SLC25A48: variants seen among roughly 807,000 people sequenced by gnomAD.
SLC25A48 encodes the protein solute carrier family 25 member 48.
Under a neutral mutation model 32.2 loss-of-function variants are expected in SLC25A48, and 29 were observed. The observed-to-expected ratio is 0.90, with a 90% CI of 0.67 to 1.23. The LOEUF (loss-of-function observed/expected upper bound fraction) is 1.23, where lower values mean the gene tolerates loss of function less well. Ranked by LOEUF, SLC25A48 falls within the 50% of genes most tolerant of loss-of-function variation. SLC25A48 has a pLI of 0.00. For synonymous variants in SLC25A48, 164 were observed against 172.3 expected (o/e 0.95, Z 0.38); for missense variants, 399 against 422.7 (o/e 0.94, Z 0.49).
At chr5:135,771,156 T>A (rs763562001) in intron 3 of SLC25A48, among the ~76,000 whole-genome samples, 42 of 151,416 alleles carry the variant, frequency 2.8e-4, no homozygotes, top group Admixed American at 1.2e-3. Context: ...AAAATGATAT[T>A]AATTTCAATA....
chr5:135,619,536 G>T (rs1329334887), intron 1 of SLC25A48, among the ~76,000 whole-genome samples: 2 of 152,162 alleles, frequency 1.3e-5, no homozygotes, highest in African/African-American at 4.8e-5. Flanking sequence ...TCTTTTGGCA[G>T]TATTGTGTTT....
At chr5:135,742,082 T>C (rs1426059541) in intron 3 of SLC25A48, among the ~76,000 whole-genome samples, 4 of 152,124 alleles carry the variant, frequency 2.6e-5, no homozygotes, top group Non-Finnish European at 5.9e-5. Context: ...TATTTTTGTT[T>C]ATTTATTTAT....
intron 3 of SLC25A48, among the ~76,000 whole-genome samples, chr5:135,740,893 T>C (rs13170007): frequency 0.66 from 100,909 of 152,166 alleles, 36,434 homozygotes; most frequent in Middle Eastern, 0.81. Context: ...CGTGAGCCAC[T>C]GCCCCCAGCC....
chr5:135,825,035 C>A (rs543634472), intron 4 of SLC25A48: 1 of 152,288 alleles, frequency 6.6e-6, no homozygotes, highest in South Asian at 2.1e-4. Flanking sequence ...GGAGAGCGGC[C>A]TGGGGAACGT....
chr5:135,701,098 C>T (rs1705499108), intron 3 of SLC25A48, among the ~76,000 whole-genome samples: 1 of 152,146 alleles, frequency 6.6e-6, no homozygotes, highest in African/African-American at 2.4e-5. Flanking sequence ...TGTCAGCCAC[C>T]AGTTCCAGTA....
intron 1 of SLC25A48, among the ~76,000 whole-genome samples, chr5:135,597,459 C>G (rs1486360210): frequency 1.3e-5 from 2 of 152,132 alleles, no homozygotes; most frequent in African/African-American, 4.8e-5. Context: ...GATCCAGGTA[C>G]CAGAAAACTG....
chr5:135,873,689 T>A (rs1761838013), intron 5 of SLC25A48, among the ~76,000 whole-genome samples: 1 of 152,230 alleles, frequency 6.6e-6, no homozygotes, highest in Non-Finnish European at 1.5e-5. Context: ...TAATAAATAC[T>A]GCCACGTCTC....
chr5:135,785,964 G>A (rs34295073), intron 3 of SLC25A48, among the ~76,000 whole-genome samples: 115,951 of 150,998 alleles, frequency 0.77, 44,675 homozygotes, highest in Middle Eastern at 0.86. Flanking sequence ...GTGATATTAC[G>A]GCCCATGGGG....
chr5:135,853,185 C>T (rs1333433078), intron 4 of SLC25A48, among the ~76,000 whole-genome samples: 4 of 152,306 alleles, frequency 2.6e-5, no homozygotes, highest in Middle Eastern at 3.4e-3. Context: ...TTCAGCGAGT[C>T]GTAATCTTTC....
intron 3 of SLC25A48, among the ~76,000 whole-genome samples, chr5:135,771,325 G>A (rs979100923): frequency 2.6e-5 from 4 of 151,708 alleles, no homozygotes; most frequent in African/African-American, 9.7e-5. Context: ...ATCGCGGAGG[G>A]TGTACATCCC....
At chr5:135,770,772 G>A (rs1299983287) in intron 3 of SLC25A48, among the ~76,000 whole-genome samples, 3 of 151,694 alleles carry the variant, frequency 2.0e-5, no homozygotes, top group African/African-American at 4.8e-5. Flanking sequence ...AATGTGAGAG[G>A]TTGATATTAC....
chr5:135,864,011 G>A (rs2126780678), intron 4 of SLC25A48, among the ~76,000 whole-genome samples: 1 of 152,234 alleles, frequency 6.6e-6, no homozygotes. Context: ...CCATCATACT[G>A]AAGACCATAT....
chr5:135,668,851 A>G (rs1753583591), intron 3 of SLC25A48, among the ~76,000 whole-genome samples: 1 of 152,260 alleles, frequency 6.6e-6, no homozygotes, highest in African/African-American at 2.4e-5. Flanking sequence ...AAAGCAATTT[A>G]ACACAATAGG....
chr5:135,818,101 CTCTCTCTCTCTCTCTCT>C (rs1757782990), intron 4 of SLC25A48, among the ~76,000 whole-genome samples: 5 of 130,976 alleles, frequency 3.8e-5, no homozygotes, highest in Admixed American at 1.5e-4. Flanking sequence ...CTCTCTCTCT[CTCTCTCTCTCTCTCTCT>C]CCCTCTGTTT....
At chr5:135,746,297 G>A (rs1488374707) in intron 3 of SLC25A48, 1 of 159,502 alleles carries the variant, frequency 6.3e-6, no homozygotes, top group African/African-American at 2.4e-5. Context: ...CACAGCCGCT[G>A]GTTGGGGCAT....
chr5:135,805,963 T>C (rs1757454901), intron 3 of SLC25A48, among the ~76,000 whole-genome samples: 1 of 151,838 alleles, frequency 6.6e-6, no homozygotes, highest in South Asian at 2.1e-4. Flanking sequence ...CCTGTGATAT[T>C]ATTTGTAATA....
intron 3 of SLC25A48, among the ~76,000 whole-genome samples, chr5:135,767,653 C>T (rs1756277937): frequency 6.6e-6 from 1 of 151,164 alleles, no homozygotes; most frequent in Non-Finnish European, 1.5e-5. Flanking sequence ...TCACAATATC[C>T]AGGGGGAAAA....
chr5:135,646,194 C>G (rs532970248), intron 3 of SLC25A48, among the ~76,000 whole-genome samples: 269 of 152,272 alleles, frequency 1.8e-3, no homozygotes, highest in African/African-American at 6.3e-3. Flanking sequence ...GATTTGCACA[C>G]TGCAGGCAGG....
At chr5:135,727,386 T>C (rs1242120631) in intron 3 of SLC25A48, among the ~76,000 whole-genome samples, 5 of 152,114 alleles carry the variant, frequency 3.3e-5, no homozygotes, top group Admixed American at 3.3e-4. Flanking sequence ...CCTAGCAGGG[T>C]CTTTTTCGGA....
Sources: allele counts gnomAD v4.1 joint callset (sites outside exome capture counted in the v4.1 genomes callset), GRCh38; gene constraint gnomAD v4.1.1; transcripts MANE v1.5; gene names NCBI Gene and HGNC (gene_info 2026-07-23, HGNC 2026-07-21).